The following CADPS2 variants were observed in gnomAD, a reference collection of about 807,000 sequenced individuals.
CADPS2 encodes calcium-dependent secretion activator 2.
A neutral mutation model predicts 172.5 loss-of-function variants in CADPS2; 93 were observed. That is an observed-to-expected ratio of 0.54 (90% CI 0.46 to 0.64). The LOEUF (loss-of-function observed/expected upper bound fraction) is 0.64. Ranked by LOEUF, CADPS2 falls within the 30% of genes least tolerant of loss-of-function variation. The pLI is 0.00. For synonymous variants in CADPS2, 546 were observed against 555.2 expected (o/e 0.98, Z 0.23); for missense variants, 1,420 against 1,565.9 (o/e 0.91, Z 1.57).
intron 8 of CADPS2, among the ~76,000 whole-genome samples, chr7:122,525,025 G>A (rs1387719665): frequency 6.6e-6 from 1 of 152,014 alleles, no homozygotes; most frequent in Non-Finnish European, 1.5e-5. Context: ...TGTGGACCCA[G>A]CTGCTCAGGA....
At chr7:122,698,373 C>G in intron 2 of CADPS2, 2 of 1,613,720 alleles carry the variant, frequency 1.2e-6, no homozygotes, top group Non-Finnish European at 1.7e-6. Flanking sequence ...AGATGATGTG[C>G]TTTCTCCCCA....
chr7:122,716,857 A>G (rs2089685246), intron 2 of CADPS2, among the ~76,000 whole-genome samples: 1 of 152,060 alleles, frequency 6.6e-6, no homozygotes, highest in Non-Finnish European at 1.5e-5. Context: ...CAGAAAGGGA[A>G]ACACTGATTT....
chr7:122,811,655 A>G (rs1469927999), intron 1 of CADPS2, among the ~76,000 whole-genome samples: 1 of 152,176 alleles, frequency 6.6e-6, no homozygotes, highest in Non-Finnish European at 1.5e-5. Context: ...TGAATATTTT[A>G]AAACAAAAAA....
At chr7:122,464,476 C>T (rs950563592) in intron 14 of CADPS2, among the ~76,000 whole-genome samples, 3 of 152,102 alleles carry the variant, frequency 2.0e-5, no homozygotes, top group Non-Finnish European at 4.4e-5. Flanking sequence ...TTCCTGTCTC[C>T]TCTTCAGTGT....
chr7:122,481,911 T>C (rs993138501), intron 11 of CADPS2, among the ~76,000 whole-genome samples: 2 of 151,872 alleles, frequency 1.3e-5, no homozygotes, highest in Admixed American at 6.6e-5. Context: ...CTGAGATTAC[T>C]TGGGAGGCTA....
intron 2 of CADPS2, among the ~76,000 whole-genome samples, chr7:122,690,425 T>C (rs7779064): frequency 0.052 from 7,874 of 152,222 alleles, 264 homozygotes; most frequent in African/African-American, 0.061. Flanking sequence ...CGGCTAATTG[T>C]GGAGGTCACA....
intron 5 of CADPS2, among the ~76,000 whole-genome samples, chr7:122,617,548 A>G (rs1563867759): frequency 6.6e-6 from 1 of 152,170 alleles, no homozygotes; most frequent in African/African-American, 2.4e-5. Context: ...TAAAAAGAAG[A>G]GAGGCATGTA....
intron 2 of CADPS2, among the ~76,000 whole-genome samples, chr7:122,687,940 A>C (rs2135969526): frequency 6.6e-6 from 1 of 152,314 alleles, no homozygotes; most frequent in South Asian, 2.1e-4. Context: ...AATTAGTCTA[A>C]GTATAGACCT....
At chr7:122,568,369 G>C (rs1321571400) in intron 7 of CADPS2, among the ~76,000 whole-genome samples, 2 of 152,130 alleles carry the variant, frequency 1.3e-5, no homozygotes, top group African/African-American at 4.8e-5. Flanking sequence ...CAGTTAATGA[G>C]AAGGAAATCG....
At chr7:122,814,488 T>C (rs1800815904) in intron 1 of CADPS2, among the ~76,000 whole-genome samples, 1 of 152,126 alleles carries the variant, frequency 6.6e-6, no homozygotes, top group African/African-American at 2.4e-5. Context: ...TATCTTCACA[T>C]GTTTAAATGG....
chr7:122,873,705 C>A (rs545648522), intron 1 of CADPS2, among the ~76,000 whole-genome samples: 2 of 152,122 alleles, frequency 1.3e-5, no homozygotes, highest in African/African-American at 2.4e-5. Flanking sequence ...ATTGCTGGGT[C>A]AAATGGTATT....
At chr7:122,604,257 C>T (rs1160335118) in intron 6 of CADPS2, among the ~76,000 whole-genome samples, 1 of 152,176 alleles carries the variant, frequency 6.6e-6, no homozygotes, top group African/African-American at 2.4e-5. Flanking sequence ...TGTATATCAC[C>T]ATTGTTATTC....
chr7:122,392,451 T>C (rs1053216569), intron 22 of CADPS2, among the ~76,000 whole-genome samples: 8 of 151,864 alleles, frequency 5.3e-5, no homozygotes, highest in Non-Finnish European at 2.9e-5. Flanking sequence ...TGTTTTAGAG[T>C]TGAGGAAAAA....
intron 8 of CADPS2, among the ~76,000 whole-genome samples, chr7:122,549,763 A>G (rs897081328): frequency 6.6e-5 from 10 of 152,116 alleles, no homozygotes; most frequent in African/African-American, 2.2e-4. Context: ...ATACATACAT[A>G]CATAGGTTCA....
intron 13 of CADPS2, among the ~76,000 whole-genome samples, chr7:122,473,215 A>G (rs2152186508): frequency 6.6e-6 from 1 of 152,258 alleles, no homozygotes; most frequent in Admixed American, 6.5e-5. Flanking sequence ...CAACTGTTCA[A>G]ACTGTGTTCA....
chr7:122,527,617 A>AGAGAGAGTGTGTGTGTGTGT, intron 8 of CADPS2, among the ~76,000 whole-genome samples: 2 of 83,886 alleles, frequency 2.4e-5, no homozygotes, highest in South Asian at 4.4e-4. Context: ...AGAGAGAGAG[A>AGAGAGAGTGTGTGTGTGTGT]GTGTGTGTGT....
At chr7:122,463,703 C>T (rs1018267344) in intron 14 of CADPS2, among the ~76,000 whole-genome samples, 1 of 152,080 alleles carries the variant, frequency 6.6e-6, no homozygotes, top group Non-Finnish European at 1.5e-5. Context: ...AAGCTGCTTT[C>T]CTATTCATCT....
At chr7:122,591,733 G>C (rs1325549940) in intron 6 of CADPS2, among the ~76,000 whole-genome samples, 2 of 152,076 alleles carry the variant, frequency 1.3e-5, no homozygotes, top group African/African-American at 2.4e-5. Context: ...ACAAGAAATG[G>C]GGAAAGGATT....
intron 14 of CADPS2, 117 bp downstream of exon 14, chr7:122,471,258 T>C (rs2055896635): frequency 1.5e-6 from 1 of 648,104 alleles, no homozygotes; most frequent in Admixed American, 4.2e-5. Context: ...TTTTTTTCCT[T>C]GTAAGAAGTG....
Sources: allele counts gnomAD v4.1 joint callset (sites outside exome capture counted in the v4.1 genomes callset), GRCh38; gene constraint gnomAD v4.1.1; transcripts MANE v1.5; gene names NCBI Gene and HGNC (gene_info 2026-07-23, HGNC 2026-07-21).